Variants in ANKRD23 observed in about 807,000 individuals in gnomAD.
ANKRD23 encodes ankyrin repeat domain-containing protein 23.
Under a neutral mutation model 38.1 loss-of-function variants are expected in ANKRD23, and 52 were observed. The ratio of observed to expected loss-of-function variants is 1.36; its 90% CI spans 1.09 to 1.72. The LOEUF is 1.72. Ranked by LOEUF, ANKRD23 falls within the 40% of genes most tolerant of loss-of-function variation. The pLI, the probability that ANKRD23 is intolerant of heterozygous loss-of-function variation, is 0.00. For missense variants in ANKRD23, 416 were observed against 400.2 expected (o/e 1.04, Z -0.34); for synonymous variants, 167 against 162.9 (o/e 1.03, Z -0.19).
Position 96,839,403 on chromosome 2 carries a change from A to G in ANKRD23, c.*146T>C. ...CCTGCTGGGCCCGGTGCCGCTCTTCAGTTCTGCCAGGGCTGCTGAGGCGGC... is the reference window on the plus strand; with the variant it reads ...CCTGCTGGGCCCGGTGCCGCTCTTCGGTTCTGCCAGGGCTGCTGAGGCGGC... On this transcript the variant is annotated 3_prime_UTR_variant, in exon 9 of 9. Transcript: ENST00000318357. The G allele has an allele frequency of 7.8e-7, 1 of 1,274,180 alleles. No individual in the cohort carries two copies. Among genetic ancestry groups the G allele is most frequent in the Non-Finnish European group, 9.9e-7 (1 of 1,013,644 alleles). The allele number at this position is 1,274,180 out of a possible 1,614,324, so 78.9% of individuals were successfully genotyped here. A position where few individuals can be genotyped will look rare whatever the true frequency, so the allele number is the denominator to read the frequency against.
intron 3 of ANKRD23, 78 bp downstream of exon 3, chr2:96,841,982 G>T: frequency 6.3e-7 from 1 of 1,596,356 alleles, no homozygotes; most frequent in Non-Finnish European, 8.6e-7. Flanking sequence ...GGCCTGCAGT[G>T]CCCACTCTGC....
chr2:96,842,645 C>T, intron 1 of ANKRD23, 134 bp from the exon 2 acceptor site: 2 of 1,124,200 alleles, frequency 1.8e-6, no homozygotes, highest in Non-Finnish European at 2.5e-6. Context: ...GAGCCGGCCT[C>T]AAAGCTCCTG....
At position 96,839,106 on chromosome 2, in the gene ANKRD23, G is replaced by A. The variant is rs2079726711; in HGVS notation, c.*443C>T. On this transcript the variant is annotated 3_prime_UTR_variant, in exon 9 of 9. Coordinates refer to ENST00000318357, the MANE Select transcript of ANKRD23 (RefSeq NM_144994.8). Reference sequence around the variant, plus strand: ...ATCCTGGATGGCATCTGCCGGCCACGGGCTGAGTCCCCACACACACAGACT... The same window carrying A: ...ATCCTGGATGGCATCTGCCGGCCACAGGCTGAGTCCCCACACACACAGACT... The A allele has an allele frequency of 2.0e-6, 2 of 991,300 alleles. No individual in the cohort carries two copies. The highest frequency in any genetic ancestry group is 2.4e-6 in the Non-Finnish European group (2 of 834,198). The allele number at this position is 991,300 out of a possible 1,614,324, so 61.4% of individuals were successfully genotyped here. A position where few individuals can be genotyped will look rare whatever the true frequency, so the allele number is the denominator to read the frequency against.
At chr2:96,843,353 C>G (rs1244404096) in intron 1 of ANKRD23, among the ~76,000 whole-genome samples, 1 of 152,102 alleles carries the variant, frequency 6.6e-6, no homozygotes, top group Non-Finnish European at 1.5e-5. Flanking sequence ...CCAGGCCCCT[C>G]GTCACTCAAA....
intron 1 of ANKRD23, 143 bp from the exon 2 acceptor site, chr2:96,842,654 T>A: frequency 9.6e-7 from 1 of 1,046,192 alleles, no homozygotes; most frequent in Non-Finnish European, 1.3e-6. Flanking sequence ...TCAAAGCTCC[T>A]GCAGTCCAGA....
At position 96,842,090 on chromosome 2, in the gene ANKRD23, G is replaced by GA. The variant is rs767608781; in HGVS notation, c.269dup (p.Arg93GlnfsTer4). 9.3e-6 allele frequency: 15 copies of GA among 1,614,040 alleles called. No individual in the cohort carries two copies. In the African/African-American group the frequency reaches 1.9e-4, roughly 20 times the overall value. ...CCAGGGGCTCAGGTTTCCTGGGGGGGACTCTGTGTCTCAGTCGCTTTTTCC... is the reference window on the plus strand; with the variant it reads ...CCAGGGGCTCAGGTTTCCTGGGGGGGAACTCTGTGTCTCAGTCGCTTTTTCC... On this transcript the variant is annotated frameshift_variant, in exon 3 of 9. Transcript: ENST00000318357. LOFTEE classifies it high-confidence loss of function.
rs1423111422 is a variant in ANKRD23 at position 96,839,734 on chromosome 2, C to T, written c.815G>A (p.Arg272Gln). The T allele has an allele frequency of 7.4e-6, 12 of 1,613,070 alleles. No individual in the cohort carries two copies. The highest frequency in any genetic ancestry group is 4.0e-5 in the African/African-American group (3 of 75,052). ...LLLYGAELGVRNAASVTPVQL... is the reference protein window; with the variant it reads ...LLLYGAELGVQNAASVTPVQL... ...GGCTGCGCCCACACTCACCGCGTTC[C>T]GCACCCCCAGCTCGGCCCCATAGAG... The change falls in exon 8 of 9, where the codon CGG (arginine) becomes CAG (glutamine). Residue 272 changes from arginine (R) to glutamine (Q), a missense_variant. Coordinates refer to ENST00000318357, the MANE Select transcript of ANKRD23 (RefSeq NM_144994.8).
chr2:96,843,901 T>C, intron 1 of ANKRD23, 65 bp downstream of exon 1: 1 of 1,547,348 alleles, frequency 6.5e-7, no homozygotes, highest in Non-Finnish European at 8.8e-7. Flanking sequence ...GCCAGCCCTC[T>C]CTAGCCAGCC....
chr2:96,842,188 G>A lies in ANKRD23; in HGVS notation c.175-3C>T, dbSNP rs1254229895. 6.2e-7 allele frequency: 1 copy of A among 1,613,940 alleles called. No individual in the cohort carries two copies. The highest frequency in any genetic ancestry group is 8.5e-7 in the Non-Finnish European group (1 of 1,180,034). On this transcript the variant is annotated splice_polypyrimidine_tract_variant and splice_region_variant and intron_variant, in intron 2 of 8. Transcript: ENST00000318357. The stretch of plus-strand genomic sequence containing the variant: ...CTGGTACTGTTAAATCTTTCAAGCT[G>A]GGGCAGAAGACAAGACCATGCCAGC...
Position 96,840,030 on chromosome 2 carries a change from G to C in ANKRD23, c.690C>G (p.Ile230Met). Reference protein sequence around the residue: ...TRHPDCLEHLIECGAHLNAQD... With the variant: ...TRHPDCLEHLMECGAHLNAQD... ...GTGCGTTCAGGTGGGCGCCACACTC[G>C]ATGAGGTGCTCCAGGCAGTCGGGGT... The change falls in exon 7 of 9, where the codon ATC (isoleucine) becomes ATG (methionine). Residue 230 changes from isoleucine (I) to methionine (M), a missense_variant. Coordinates refer to ENST00000318357, the MANE Select transcript of ANKRD23 (RefSeq NM_144994.8). 1.3e-6 allele frequency: 2 copies of C among 1,561,350 alleles called. No individual in the cohort carries two copies. Among genetic ancestry groups the C allele is most frequent in the Non-Finnish European group, 8.7e-7 (1 of 1,152,098 alleles).
intron 5 of ANKRD23, 29 bp downstream of exon 5, chr2:96,840,387 C>A (rs901699796): frequency 5.0e-6 from 8 of 1,612,898 alleles, no homozygotes; most frequent in Non-Finnish European, 6.8e-6. Flanking sequence ...TGGGCGTCGA[C>A]CAGAGGCTGG....
At position 96,838,793 on chromosome 2, in the gene ANKRD23, C is replaced by T. The variant is rs1372216253; in HGVS notation, c.*756G>A. On this transcript the variant is annotated 3_prime_UTR_variant, in exon 9 of 9. Coordinates refer to ENST00000318357, the MANE Select transcript of ANKRD23 (RefSeq NM_144994.8). ...GGGCCAGTACACAGTGGGTGCGAGG[C>T]TTCTCTCAAATGCGCGCTCCAGCTC... is the stretch of plus-strand genomic sequence containing the variant. The T allele has an allele frequency of 8.1e-6, 8 of 985,424 alleles. No individual in the cohort carries two copies. The highest frequency in any genetic ancestry group is 9.6e-6 in the Non-Finnish European group (8 of 830,006). 61.0% of individuals were successfully genotyped at this position (985,424 alleles called of 1,614,324 possible).
At chr2:96,839,887 G>A in intron 7 of ANKRD23, 62 bp from the exon 8 acceptor site, 2 of 1,561,012 alleles carry the variant, frequency 1.3e-6, no homozygotes, top group Non-Finnish European at 8.7e-7. Context: ...ATGCAGGAAG[G>A]TCAGGGCTGC....
chr2:96,840,394 C>T (rs1463590178), intron 5 of ANKRD23, 22 bp downstream of exon 5: 1 of 1,613,334 alleles, frequency 6.2e-7, no homozygotes, highest in Non-Finnish European at 8.5e-7. Context: ...CGACCAGAGG[C>T]TGGGCCTTTC....
rs1255164579 is a variant in ANKRD23, at chr2:96,840,059, G to A, written c.661C>T (p.Arg221Trp). The A allele has an allele frequency of 3.8e-6, 6 of 1,562,074 alleles. No homozygotes were observed. The highest frequency in any genetic ancestry group is 5.2e-6 in the Non-Finnish European group (6 of 1,152,686). The change falls in exon 7 of 9, where the codon CGG becomes TGG. Residue 221 changes from arginine to tryptophan, a missense_variant. Transcript: ENST00000318357. ...AGGTGCTCCAGGCAGTCGGGGTGCCGGGTGCGCACTGCCACGTGCAGGGGG... is the reference window on the plus strand; with the variant it reads ...AGGTGCTCCAGGCAGTCGGGGTGCCAGGTGCGCACTGCCACGTGCAGGGGG... Reference protein sequence around the residue: ...STPLHVAVRTRHPDCLEHLIE... With the variant: ...STPLHVAVRTWHPDCLEHLIE...
chr2:96,841,918 CG>C, intron 3 of ANKRD23, 141 bp downstream of exon 3: 2 of 1,230,620 alleles, frequency 1.6e-6, no homozygotes, highest in Non-Finnish European at 1.1e-6. Context: ...GACACATCCG[CG>C]GGGGCTCTGG....
chr2:96,839,732 TCCGCAC>T lies in ANKRD23; in HGVS notation c.811_816del (p.Val271_Arg272del). On this transcript the variant is annotated inframe_deletion, in exon 8 of 9. Coordinates refer to ENST00000318357, the MANE Select transcript of ANKRD23 (RefSeq NM_144994.8). ...AGGGCTGCGCCCACACTCACCGCGT[TCCGCAC>T]CCCCAGCTCGGCCCCATAGAGCAGC... The T allele has an allele frequency of 6.2e-7, 1 of 1,613,040 alleles. No homozygotes were observed. The highest frequency in any genetic ancestry group is 8.5e-7 in the Non-Finnish European group (1 of 1,179,862).
chr2:96,840,919 C>G lies in ANKRD23; in HGVS notation c.301-7G>C, dbSNP rs753546209. On this transcript the variant is annotated splice_polypyrimidine_tract_variant and splice_region_variant and intron_variant, in intron 3 of 8. Coordinates refer to ENST00000318357, the MANE Select transcript of ANKRD23 (RefSeq NM_144994.8). ...CCTGGGCCTGGGACTGCGGCTGGTT[C>G]AGTTGAAGACAAGACCAAATCACTC... 4 of 1,613,344 alleles carry G rather than the reference C, an allele frequency of 2.5e-6. No homozygotes were observed. In the South Asian group the frequency reaches 4.4e-5, roughly 18 times the overall value.
At position 96,839,781 on chromosome 2, in the gene ANKRD23, G is replaced by A; in HGVS notation, c.768C>T (p.Tyr256=). Residue 256 remains tyrosine, a synonymous_variant, in exon 8 of 9, where the codon TAC becomes TAT. Coordinates refer to ENST00000318357, the MANE Select transcript of ANKRD23 (RefSeq NM_144994.8). ...AGAGCAGCAGTAGCTTCATGGCTTT[G>A]TAGCTGCCGTGCCGCACGGCCTCGT... ...ALHEAVRHGS[Y]KAMKLLLLYG... is the part of the protein sequence containing the mutation. The A allele has an allele frequency of 6.2e-7, 1 of 1,613,438 alleles. No individual in the cohort carries two copies. The highest frequency in any genetic ancestry group is 1.1e-5 in the South Asian group (1 of 91,056).
Sources: allele counts gnomAD v4.1 joint callset (sites outside exome capture counted in the v4.1 genomes callset), GRCh38; gene constraint gnomAD v4.1.1; transcripts MANE v1.5; gene names NCBI Gene and HGNC (gene_info 2026-07-23, HGNC 2026-07-21).